Variants in RBFOX1 observed in about 807,000 individuals in gnomAD.
RBFOX1 encodes RNA binding protein fox-1 homolog 1.
Under a neutral mutation model 57.7 loss-of-function variants are expected in RBFOX1, and 8 were observed. That is an observed-to-expected ratio of 0.14 (90% CI 0.08 to 0.25). The LOEUF (loss-of-function observed/expected upper bound fraction) is 0.25, where lower values mean the gene tolerates loss of function less well. Ranked by LOEUF, RBFOX1 falls within the 10% of genes least tolerant of loss-of-function variation. The pLI, the probability that RBFOX1 is intolerant of heterozygous loss-of-function variation, is 1.00. For synonymous variants in RBFOX1, 326 were observed against 222.4 expected, an observed-to-expected ratio of 1.47 and a Z score of -4.15; for missense variants, 611 against 548.5, an observed-to-expected ratio of 1.11 and a Z score of -1.14.
intron 1 of RBFOX1, among the ~76,000 whole-genome samples, chr16:5,286,225 C>G (rs561609728): frequency 2.1e-4 from 32 of 152,298 alleles, no homozygotes; most frequent in African/African-American, 7.0e-4. Context: ...GATAGCCTGT[C>G]TGCGTGGGCC....
intron 4 of RBFOX1, among the ~76,000 whole-genome samples, chr16:7,059,948 C>G (rs1568590839): frequency 6.6e-6 from 1 of 152,108 alleles, no homozygotes; most frequent in Non-Finnish European, 1.5e-5. Flanking sequence ...AAACACGATT[C>G]AAAAATTATT....
intron 4 of RBFOX1, among the ~76,000 whole-genome samples, chr16:7,272,473 C>T (rs973262945): frequency 1.3e-5 from 2 of 152,206 alleles, no homozygotes; most frequent in Non-Finnish European, 2.9e-5. Flanking sequence ...CATCAGCCAC[C>T]ATGCCTGGCA....
chr16:5,831,228 C>G (rs190217031), intron 3 of RBFOX1, among the ~76,000 whole-genome samples: 1 of 151,970 alleles, frequency 6.6e-6, no homozygotes, highest in Non-Finnish European at 1.5e-5. Flanking sequence ...GGGTGGATCC[C>G]TCATGATTGG....
intron 3 of RBFOX1, among the ~76,000 whole-genome samples, chr16:6,942,331 C>T (rs571068479): frequency 7.2e-5 from 11 of 152,084 alleles, no homozygotes; most frequent in Non-Finnish European, 1.5e-4. Flanking sequence ...CCACGCTCAG[C>T]TAATTTTTTG....
chr16:7,270,356 C>T (rs1261839584), intron 4 of RBFOX1, among the ~76,000 whole-genome samples: 2 of 152,166 alleles, frequency 1.3e-5, no homozygotes, highest in Non-Finnish European at 2.9e-5. Context: ...TTCAGATAAG[C>T]TTCTCCTTTG....
At chr16:5,333,548 C>T (rs748522083) in intron 1 of RBFOX1, among the ~76,000 whole-genome samples, 24 of 152,222 alleles carry the variant, frequency 1.6e-4, no homozygotes, top group African/African-American at 5.1e-4. Context: ...GTTTGAAGCA[C>T]AGCAGACGTA....
intron 4 of RBFOX1, among the ~76,000 whole-genome samples, chr16:5,986,292 GA>G (rs2060284599): frequency 6.6e-6 from 1 of 152,112 alleles, no homozygotes. Context: ...TCAAACTCCT[GA>G]CCTCAGGCCA....
chr16:6,814,582 C>A (rs35334131), intron 3 of RBFOX1, among the ~76,000 whole-genome samples: 2 of 151,918 alleles, frequency 1.3e-5, no homozygotes, highest in Non-Finnish European at 2.9e-5. Context: ...ATGATAGATG[C>A]GAATCACAGA....
At chr16:7,644,069 A>G (rs1412893871) in intron 11 of RBFOX1, among the ~76,000 whole-genome samples, 1 of 152,180 alleles carries the variant, frequency 6.6e-6, no homozygotes, top group Non-Finnish European at 1.5e-5. Context: ...AGAGTCTCTA[A>G]GAAGCAGAGA....
At chr16:7,058,771 G>A (rs1013009471) in intron 4 of RBFOX1, among the ~76,000 whole-genome samples, 18 of 151,844 alleles carry the variant, frequency 1.2e-4, no homozygotes, top group South Asian at 2.1e-4. Flanking sequence ...TTCATTTACC[G>A]TGGCAATACA....
intron 3 of RBFOX1, among the ~76,000 whole-genome samples, chr16:6,949,778 A>G: frequency 6.6e-6 from 1 of 150,694 alleles, no homozygotes; most frequent in East Asian, 1.9e-4. Context: ...GGTTCTGGGA[A>G]TTGTTCATTT....
intron 2 of RBFOX1, among the ~76,000 whole-genome samples, chr16:6,324,584 C>T (rs1411646237): frequency 6.6e-6 from 1 of 152,122 alleles, no homozygotes; most frequent in Non-Finnish European, 1.5e-5. Flanking sequence ...TGTTACAACT[C>T]ATTCATTGCT....
intron 2 of RBFOX1, among the ~76,000 whole-genome samples, chr16:6,487,720 T>A (rs1380060983): frequency 4.4e-4 from 7 of 15,860 alleles, no homozygotes; most frequent in Admixed American, 2.0e-3. Flanking sequence ...TATATATATA[T>A]ATATATATAT....
intron 3 of RBFOX1, among the ~76,000 whole-genome samples, chr16:6,871,667 C>G (rs1324171869): frequency 8.0e-6 from 1 of 125,588 alleles, no homozygotes; most frequent in South Asian, 2.6e-4. Context: ...CTAAACTGGC[C>G]TTTCTTCCTC....
chr16:6,653,791 T>C (rs1243935365), intron 2 of RBFOX1, among the ~76,000 whole-genome samples: 1 of 148,304 alleles, frequency 6.7e-6, no homozygotes, highest in Non-Finnish European at 1.5e-5. Flanking sequence ...GGTGGGTGGA[T>C]GGATGGATGA....
chr16:6,169,331 G>A (rs988336734), intron 1 of RBFOX1, among the ~76,000 whole-genome samples: 5 of 152,110 alleles, frequency 3.3e-5, no homozygotes, highest in Non-Finnish European at 1.5e-5. Flanking sequence ...GTTGGGGAAA[G>A]ACGAGAAGGA....
Position 7,639,954 on chromosome 16 carries a change from G to A in RBFOX1, c.757+9271G>A, listed in dbSNP as rs190404833. Among the ~76,000 whole-genome samples, 25 of 152,288 alleles carry A rather than the reference G, an allele frequency of 1.6e-4. No homozygotes were observed. The East Asian group carries it at 4.8e-3, about 29-fold the overall frequency. On this transcript the variant is annotated intron_variant, in intron 11 of 15. Coordinates refer to ENST00000550418, the MANE Select transcript of RBFOX1 (RefSeq NM_018723.4). ...CCCCACCCACCAATGGTGAACTCCA[G>A]AGATTATTCTTTCTCCATCACTGAA...
At chr16:6,956,589 G>A (rs1167820626) in intron 3 of RBFOX1, among the ~76,000 whole-genome samples, 1 of 152,206 alleles carries the variant, frequency 6.6e-6, no homozygotes, top group Non-Finnish European at 1.5e-5. Context: ...AGGTGTGGGA[G>A]ACAGAGGAGT....
At chr16:6,731,217 C>A (rs929899441) in intron 3 of RBFOX1, among the ~76,000 whole-genome samples, 2 of 152,058 alleles carry the variant, frequency 1.3e-5, no homozygotes. Flanking sequence ...CCTAGAGGAA[C>A]TAAATCCAGA....
Sources: gnomAD v4.1 joint callset for allele counts (sites outside exome capture counted in the v4.1 genomes callset) on GRCh38, gnomAD v4.1.1 for gene constraint, MANE v1.5 for transcripts, NCBI Gene and HGNC (gene_info 2026-07-23, HGNC 2026-07-21) for gene names.